Variants in STX8 observed in about 807,000 individuals in gnomAD.
STX8 encodes syntaxin-8.
Under a neutral mutation model 37.5 loss-of-function variants are expected in STX8, and 23 were observed. The observed-to-expected ratio is 0.61, with a 90% confidence interval of 0.44 to 0.87. STX8 has a LOEUF of 0.87. STX8 is among the 40% of genes least tolerant of loss of function. The pLI is 0.00. For missense variants in STX8, 313 were observed against 284.7 expected (o/e 1.10, Z -0.71); for synonymous variants, 115 against 99.1 (o/e 1.16, Z -0.95).
intron 6 of STX8, among the ~76,000 whole-genome samples, chr17:9,471,676 C>T (rs1014011683): frequency 6.6e-6 from 1 of 152,124 alleles, no homozygotes; most frequent in African/African-American, 2.4e-5. Context: ...CCTCAAAAAA[C>T]CCCGGGCACT....
chr17:9,478,684 C>T (rs563822789), intron 6 of STX8, among the ~76,000 whole-genome samples: 12 of 152,356 alleles, frequency 7.9e-5, no homozygotes, highest in African/African-American at 2.6e-4. Flanking sequence ...GACCCCTCCA[C>T]AACTTCATCT....
intron 6 of STX8, among the ~76,000 whole-genome samples, chr17:9,430,076 T>TTATATATAATATATTCTATAG (rs1567557324): frequency 5.0e-5 from 3 of 60,050 alleles, no homozygotes; most frequent in African/African-American, 8.2e-5. Flanking sequence ...ATATTCTATA[T>TTATATATAATATATTCTATAG]AATATATATA....
chr17:9,505,176 T>C lies in STX8; in HGVS notation c.324-14A>G, dbSNP rs1445592078. 3 of 1,602,138 alleles carry C rather than the reference T, an allele frequency of 1.9e-6. No individual in the cohort carries two copies. Among genetic ancestry groups the C allele is most frequent in the Non-Finnish European group, 1.7e-6 (2 of 1,174,886 alleles). ...ATCAGGCTGGACCTAAAGAACAATA[T>C]TAAATGCATGATATATCTCAAAACA... On this transcript the variant is annotated splice_polypyrimidine_tract_variant and intron_variant, in intron 4 of 7. Coordinates refer to ENST00000306357, the MANE Select transcript of STX8 (RefSeq NM_004853.3).
At chr17:9,374,086 ATT>A (rs571434433) in intron 7 of STX8, among the ~76,000 whole-genome samples, 16 of 144,222 alleles carry the variant, frequency 1.1e-4, no homozygotes, top group Admixed American at 1.4e-4. Context: ...ACCACAATTA[ATT>A]TTTTTTTTTT....
intron 7 of STX8, among the ~76,000 whole-genome samples, chr17:9,340,639 GT>G (rs1910317068): frequency 7.9e-6 from 1 of 126,046 alleles, no homozygotes; most frequent in Admixed American, 8.5e-5. Flanking sequence ...TCTTATCAAT[GT>G]TGCACTTGAT....
At chr17:9,433,609 C>T (rs1914049861) in intron 6 of STX8, among the ~76,000 whole-genome samples, 1 of 151,840 alleles carries the variant, frequency 6.6e-6, no homozygotes, top group Non-Finnish European at 1.5e-5. Flanking sequence ...TAAATATTAC[C>T]ATTTTTTGTA....
intron 5 of STX8, among the ~76,000 whole-genome samples, chr17:9,503,021 G>A (rs1428458262): frequency 7.1e-6 from 1 of 141,798 alleles, no homozygotes; most frequent in Non-Finnish European, 1.5e-5. Flanking sequence ...CAGGAGAATT[G>A]CTTGAACCCA....
chr17:9,285,556 G>A (rs1372272263), intron 7 of STX8, among the ~76,000 whole-genome samples: 1 of 152,206 alleles, frequency 6.6e-6, no homozygotes, highest in Non-Finnish European at 1.5e-5. Context: ...AAGCCAGGGT[G>A]AAGCCCAGAA....
At chr17:9,357,116 T>A (rs916064706) in intron 7 of STX8, among the ~76,000 whole-genome samples, 2 of 151,852 alleles carry the variant, frequency 1.3e-5, no homozygotes, top group African/African-American at 4.8e-5. Flanking sequence ...TACAGGCATG[T>A]GCCACCATGC....
chr17:9,360,071 T>C (rs1911012369), intron 7 of STX8, among the ~76,000 whole-genome samples: 1 of 152,016 alleles, frequency 6.6e-6, no homozygotes. Context: ...CGGAACAGGA[T>C]GGCACAATAT....
At chr17:9,411,755 C>T (rs1344965583) in intron 6 of STX8, among the ~76,000 whole-genome samples, 2 of 152,166 alleles carry the variant, frequency 1.3e-5, no homozygotes, top group African/African-American at 4.8e-5. Flanking sequence ...CAAGATGATT[C>T]ACTGGAATGT....
chr17:9,554,042 A>G (rs1906869529), intron 3 of STX8: 1 of 152,138 alleles, frequency 6.6e-6, no homozygotes, highest in Admixed American at 6.6e-5. Context: ...CGGGTGCATC[A>G]TGAGGTCAGG....
At chr17:9,347,235 T>C (rs1910565185) in intron 7 of STX8, among the ~76,000 whole-genome samples, 1 of 152,134 alleles carries the variant, frequency 6.6e-6, no homozygotes. Context: ...AATAACCCAT[T>C]GCCACTCTAC....
intron 6 of STX8, among the ~76,000 whole-genome samples, chr17:9,400,195 C>T (rs140500697): frequency 5.9e-4 from 89 of 151,594 alleles, no homozygotes; most frequent in South Asian, 3.8e-3. Flanking sequence ...CTCCGCCTCC[C>T]GGGTTCATGC....
chr17:9,387,088 G>T (rs1158313595), intron 6 of STX8, among the ~76,000 whole-genome samples: 1 of 151,878 alleles, frequency 6.6e-6, no homozygotes, highest in African/African-American at 2.4e-5. Context: ...TATCTCCTTG[G>T]TCTTCTCCTC....
At chr17:9,536,458 T>G (rs1206020062) in intron 4 of STX8, among the ~76,000 whole-genome samples, 2 of 152,176 alleles carry the variant, frequency 1.3e-5, no homozygotes, top group Non-Finnish European at 2.9e-5. Flanking sequence ...AGCAGGGTAA[T>G]CTGTTATATG....
chr17:9,320,760 G>T (rs1185997866), intron 7 of STX8, among the ~76,000 whole-genome samples: 3 of 151,852 alleles, frequency 2.0e-5, no homozygotes, highest in African/African-American at 7.3e-5. Flanking sequence ...AGTTAGCTGG[G>T]TGTGGTGGCG....
At chr17:9,465,621 C>T (rs1393086838) in intron 6 of STX8, among the ~76,000 whole-genome samples, 1 of 152,130 alleles carries the variant, frequency 6.6e-6, no homozygotes, top group Non-Finnish European at 1.5e-5. Context: ...TGAGAAAAGG[C>T]GAGTTCAAAC....
chr17:9,339,070 CAAAAAA>C (rs34987749), intron 7 of STX8, among the ~76,000 whole-genome samples: 4 of 70,030 alleles, frequency 5.7e-5, no homozygotes, highest in African/African-American at 2.6e-4. Context: ...GACTCCGTCT[CAAAAAA>C]AAAAAAAAAA....
Sources: allele counts gnomAD v4.1 joint callset (sites outside exome capture counted in the v4.1 genomes callset), GRCh38; gene constraint gnomAD v4.1.1; transcripts MANE v1.5; gene names NCBI Gene and HGNC (gene_info 2026-07-23, HGNC 2026-07-21).